Variants in CDH11 observed in about 807,000 individuals in gnomAD.
CDH11 encodes the protein cadherin-11.
CDH11 carries 11 observed loss-of-function variants against 67.8 expected under a neutral mutation model. That is an observed-to-expected ratio of 0.16 (90% CI 0.10 to 0.27). The LOEUF (loss-of-function observed/expected upper bound fraction) is 0.27, where lower values mean the gene tolerates loss of function less well. Among genes scored for constraint, CDH11 ranks in the 10% least tolerant of loss-of-function variants. The pLI, the probability that CDH11 is intolerant of heterozygous loss-of-function variation, is 1.00. For synonymous variants in CDH11, 419 were observed against 400.0 expected (o/e 1.05, Z -0.57); for missense variants, 847 against 1,031.2 (o/e 0.82, Z 2.45).
At chr16:65,011,260 G>A (rs960627917) in intron 2 of CDH11, among the ~76,000 whole-genome samples, 1 of 151,848 alleles carries the variant, frequency 6.6e-6, no homozygotes, top group African/African-American at 2.4e-5. Context: ...GCAGAAGCCA[G>A]GCTTGACTTT....
chr16:65,040,318 A>G (rs1279926338), intron 2 of CDH11, among the ~76,000 whole-genome samples: 1 of 152,262 alleles, frequency 6.6e-6, no homozygotes, highest in Non-Finnish European at 1.5e-5. Context: ...ATGTCCAACA[A>G]TGATAGACGG....
At chr16:65,032,355 G>C (rs530490483) in intron 2 of CDH11, among the ~76,000 whole-genome samples, 283 of 151,944 alleles carry the variant, frequency 1.9e-3, no homozygotes, top group Non-Finnish European at 3.3e-3. Context: ...CCAGGCATGG[G>C]GGTGGCATGC....
intron 3 of CDH11, among the ~76,000 whole-genome samples, chr16:65,000,563 G>C (rs1478218664): frequency 6.6e-6 from 1 of 152,148 alleles, no homozygotes; most frequent in Non-Finnish European, 1.5e-5. Context: ...TTGGGACGCT[G>C]AGGCAGGCAG....
Position 64,945,828 on chromosome 16 carries a change from C to A in CDH11, c.*1775G>T. 9.5e-7 allele frequency: 1 copy of A among 1,050,990 alleles called. No homozygotes were observed. The highest frequency in any genetic ancestry group is 1.1e-6 in the Non-Finnish European group (1 of 870,300). 65.1% of individuals were successfully genotyped at this position (1,050,990 alleles called of 1,614,324 possible). On this transcript the variant is annotated 3_prime_UTR_variant, in exon 13 of 13. Transcript: ENST00000268603. ...GATATCAAGAAATGCTTGAAACAAACTTTCACAATAAAGTCAGAAAAAAAC... is the reference window on the plus strand; with the variant it reads ...GATATCAAGAAATGCTTGAAACAAAATTTCACAATAAAGTCAGAAAAAAAC...
intron 4 of CDH11, among the ~76,000 whole-genome samples, chr16:64,995,999 C>T (rs978703689): frequency 3.9e-5 from 6 of 152,116 alleles, no homozygotes; most frequent in Non-Finnish European, 7.4e-5. Context: ...AATTGGTCGT[C>T]ATTAAACATC....
At chr16:65,069,974 G>C (rs763610049) in intron 1 of CDH11, among the ~76,000 whole-genome samples, 1 of 152,100 alleles carries the variant, frequency 6.6e-6, no homozygotes, top group Non-Finnish European at 1.5e-5. Flanking sequence ...CTCAAACCTG[G>C]ATAGAATTTC....
chr16:65,005,257 G>A (rs1008430217), intron 2 of CDH11, among the ~76,000 whole-genome samples: 1 of 152,154 alleles, frequency 6.6e-6, no homozygotes, highest in African/African-American at 2.4e-5. Context: ...ACTGAGTAAT[G>A]CATATAAGTC....
intron 1 of CDH11, among the ~76,000 whole-genome samples, chr16:65,057,455 T>C (rs2074163082): frequency 6.6e-6 from 1 of 152,196 alleles, no homozygotes; most frequent in Admixed American, 6.5e-5. Context: ...CTATATACTA[T>C]TTCAGAGAGA....
At chr16:65,049,877 T>C (rs2074026160) in intron 2 of CDH11, among the ~76,000 whole-genome samples, 1 of 152,088 alleles carries the variant, frequency 6.6e-6, no homozygotes, top group Admixed American at 6.6e-5. Context: ...GAAATACACA[T>C]TCACAGACAG....
intron 11 of CDH11, among the ~76,000 whole-genome samples, chr16:64,957,766 A>C (rs1489526658): frequency 6.6e-6 from 1 of 152,150 alleles, no homozygotes; most frequent in Non-Finnish European, 1.5e-5. Flanking sequence ...GATGACACAC[A>C]ACTACAAAAG....
At position 65,121,506 on chromosome 16, in the gene CDH11, A is replaced by G. The variant is rs932534078; in HGVS notation, c.-298+374T>C. 2.0e-5 allele frequency among the ~76,000 whole-genome samples: 3 copies of G among 152,040 alleles called. No homozygotes were observed. Among genetic ancestry groups the G allele is most frequent in the African/African-American group, 7.2e-5 (3 of 41,416 alleles). ...GCCGTGGGCGACTTTCCCCAGAGAT[A>G]TGACCGGGGACAGTCGGCGTGTCCG... On this transcript the variant is annotated intron_variant, in intron 1 of 12. Coordinates refer to ENST00000268603, the MANE Select transcript of CDH11 (RefSeq NM_001797.4). The surrounding 1 kb of genome is among the most constrained non-coding windows in gnomAD (Gnocchi z 4.1).
At chr16:65,009,562 T>C (rs1230583675) in intron 2 of CDH11, among the ~76,000 whole-genome samples, 1 of 151,850 alleles carries the variant, frequency 6.6e-6, no homozygotes, top group African/African-American at 2.4e-5. Flanking sequence ...GAATCTCCCA[T>C]GAAAATTAAT....
intron 2 of CDH11, among the ~76,000 whole-genome samples, chr16:65,013,594 G>A (rs1187889236): frequency 6.6e-6 from 1 of 152,172 alleles, no homozygotes; most frequent in African/African-American, 2.4e-5. Flanking sequence ...GAAGGCTGAG[G>A]TGGGAAGATC....
At chr16:65,039,370 C>A (rs551156177) in intron 2 of CDH11, among the ~76,000 whole-genome samples, 218 of 152,182 alleles carry the variant, frequency 1.4e-3, no homozygotes, top group African/African-American at 5.0e-3. Context: ...GAGATATAGA[C>A]CAATGGAACA....
chr16:64,973,177 C>T (rs2072061598), intron 8 of CDH11, 137 bp from the exon 9 acceptor site: 1 of 872,194 alleles, frequency 1.1e-6, no homozygotes, highest in East Asian at 2.7e-5. Flanking sequence ...ATCAAATTTA[C>T]TTTTGAAACT....
chr16:65,081,792 A>T (rs1204917070), intron 1 of CDH11, among the ~76,000 whole-genome samples: 1 of 152,234 alleles, frequency 6.6e-6, no homozygotes, highest in East Asian at 1.9e-4. Context: ...AAAATGTATT[A>T]ATTTCAAACA....
intron 11 of CDH11, among the ~76,000 whole-genome samples, chr16:64,953,866 G>A (rs1218939908): frequency 2.6e-5 from 4 of 152,160 alleles, no homozygotes; most frequent in African/African-American, 4.8e-5. Flanking sequence ...TTTGATATGG[G>A]TGACATGCCC....
At chr16:65,088,426 C>A (rs1044648471) in intron 1 of CDH11, among the ~76,000 whole-genome samples, 10 of 152,152 alleles carry the variant, frequency 6.6e-5, no homozygotes, top group African/African-American at 2.4e-4. Context: ...ATAATTTTAA[C>A]CATGCTTATT....
At chr16:65,102,024 A>G (rs902008530) in intron 1 of CDH11, among the ~76,000 whole-genome samples, 1 of 152,226 alleles carries the variant, frequency 6.6e-6, no homozygotes, top group Non-Finnish European at 1.5e-5. Context: ...TTCATACAAT[A>G]TAGACATGTA....
Sources: gnomAD v4.1 joint callset for allele counts (sites outside exome capture counted in the v4.1 genomes callset) on GRCh38, gnomAD v4.1.1 for gene constraint, Gnocchi (gnomAD v3.1) non-coding constraint, MANE v1.5 for transcripts, NCBI Gene and HGNC (gene_info 2026-07-23, HGNC 2026-07-21) for gene names.